OR9Q1: variants seen among roughly 807,000 people sequenced by gnomAD.
OR9Q1 encodes olfactory receptor family 9 subfamily Q member 1.
For synonymous variants in OR9Q1, 153 were observed against 148.6 expected (o/e 1.03, Z -0.22); for missense variants, 374 against 378.8 (o/e 0.99, Z 0.11).
At chr11:58,054,683 C>G (rs951776034) in intron 1 of OR9Q1, among the ~76,000 whole-genome samples, 1 of 149,368 alleles carries the variant, frequency 6.7e-6, no homozygotes, top group East Asian at 2.0e-4. Flanking sequence ...CCTGTGATCC[C>G]AGGCCGAGGT....
Position 58,125,036 on chromosome 11 carries a change from C to T in OR9Q1, c.-14-54395C>T, listed in dbSNP as rs183763365. 4.4e-4 allele frequency among the ~76,000 whole-genome samples: 67 copies of T among 152,264 alleles called. 1 individual carries two copies. The highest frequency in any genetic ancestry group is 3.7e-3 in the Admixed American group (57 of 15,290). On this transcript the variant is annotated intron_variant, in intron 2 of 2. Transcript: ENST00000335397. ...GAGTCTAATCCAGGTCTGTCTTATT[C>T]CAAAGCCAGAGTCCTAGTACATATG...
intron 2 of OR9Q1, among the ~76,000 whole-genome samples, chr11:58,064,915 TAC>T (rs887574204): frequency 7.3e-5 from 11 of 151,634 alleles, no homozygotes; most frequent in African/African-American, 1.5e-4. Context: ...TTTAGACACA[TAC>T]ACACACACAA....
In OR9Q1 at chr11:58,180,214, T is replaced by C; in HGVS notation, c.770T>C (p.Met257Thr). The C allele has an allele frequency of 6.2e-7, 1 of 1,614,146 alleles. No homozygotes were observed. Among genetic ancestry groups the C allele is most frequent in the Non-Finnish European group, 8.5e-7 (1 of 1,180,018 alleles). ...CTCTTCTTTGGTACCCTCATCTTCA[T>C]GTACTTGAGAGGTAACTCAGATCAG... ...VSLFFGTLIF[M>T]YLRGNSDQSS... The change falls in exon 3 of 3, where the codon ATG becomes ACG. Residue 257 changes from methionine to threonine, a missense_variant. Transcript: ENST00000335397.
At chr11:58,091,228 G>A (rs933170066) in intron 2 of OR9Q1, among the ~76,000 whole-genome samples, 2 of 152,024 alleles carry the variant, frequency 1.3e-5, no homozygotes, top group Admixed American at 6.6e-5. Flanking sequence ...TCTTTTAATC[G>A]TGATGTTAGG....
intron 2 of OR9Q1, among the ~76,000 whole-genome samples, chr11:58,069,270 G>A (rs940765902): frequency 5.3e-5 from 8 of 152,120 alleles, no homozygotes; most frequent in African/African-American, 1.9e-4. Flanking sequence ...GGCCAGTCTC[G>A]TAGCCTCTAA....
chr11:58,109,646 G>T (rs758284537), intron 2 of OR9Q1: 2 of 455,058 alleles, frequency 4.4e-6, no homozygotes, highest in East Asian at 1.4e-4. Flanking sequence ...ACAGTGCTGA[G>T]ATTTCTTTTG....
chr11:58,053,020 C>A (rs999681338), intron 1 of OR9Q1, among the ~76,000 whole-genome samples: 5 of 151,314 alleles, frequency 3.3e-5, no homozygotes, highest in African/African-American at 9.7e-5. Flanking sequence ...ACTAGTTCAA[C>A]CATTGTGGAA....
At chr11:58,098,440 T>A (rs974581195) in intron 2 of OR9Q1, among the ~76,000 whole-genome samples, 2 of 148,522 alleles carry the variant, frequency 1.3e-5, no homozygotes, top group Non-Finnish European at 2.9e-5. Flanking sequence ...GTAATGCCCT[T>A]TTTCATTTAC....
intron 2 of OR9Q1, among the ~76,000 whole-genome samples, chr11:58,092,163 A>G (rs1455820717): frequency 6.6e-6 from 1 of 152,034 alleles, no homozygotes; most frequent in African/African-American, 2.4e-5. Context: ...TAATATTGTT[A>G]TGTGTGAATT....
At chr11:58,177,932 G>T (rs924232757) in intron 2 of OR9Q1, among the ~76,000 whole-genome samples, 1 of 152,188 alleles carries the variant, frequency 6.6e-6, no homozygotes, top group Non-Finnish European at 1.5e-5. Context: ...TTTGAAGGTA[G>T]GGTAAGAGTT....
At chr11:58,050,585 A>C (rs1329147288) in intron 1 of OR9Q1, among the ~76,000 whole-genome samples, 1 of 118,450 alleles carries the variant, frequency 8.4e-6, no homozygotes, top group Non-Finnish European at 1.8e-5. Flanking sequence ...AACAAAAGCC[A>C]AAATTGACAA....
chr11:58,133,224 T>TTTTTG (rs141914621), intron 2 of OR9Q1, among the ~76,000 whole-genome samples: 20,486 of 152,126 alleles, frequency 0.13, 1,752 homozygotes, highest in Non-Finnish European at 0.2. Flanking sequence ...TCTTTGTTTC[T>TTTTTG]TTTTGTTTTG....
intron 2 of OR9Q1, among the ~76,000 whole-genome samples, chr11:58,162,886 T>C (rs1331447046): frequency 6.6e-6 from 1 of 152,124 alleles, no homozygotes; most frequent in Non-Finnish European, 1.5e-5. Flanking sequence ...GGAAGGGACA[T>C]TGTTCTGAAA....
chr11:58,107,903 AT>A (rs1399140360), intron 2 of OR9Q1, among the ~76,000 whole-genome samples: 1 of 152,158 alleles, frequency 6.6e-6, no homozygotes, highest in Non-Finnish European at 1.5e-5. Context: ...CATAGAGGCT[AT>A]TTTTACCTGA....
chr11:58,073,063 T>G (rs1461265231), intron 2 of OR9Q1: 3 of 207,816 alleles, frequency 1.4e-5, no homozygotes, highest in Admixed American at 4.5e-5. Context: ...TTGTAGTTGA[T>G]GCCTGTCTCA....
intron 2 of OR9Q1, among the ~76,000 whole-genome samples, chr11:58,136,916 C>T (rs1335343470): frequency 6.6e-6 from 1 of 152,116 alleles, no homozygotes; most frequent in Admixed American, 6.5e-5. Context: ...ACCTGGAGAC[C>T]TCCCTAAGTG....
intron 1 of OR9Q1, among the ~76,000 whole-genome samples, chr11:58,052,727 A>G (rs1346618858): frequency 6.7e-6 from 1 of 148,254 alleles, no homozygotes; most frequent in East Asian, 2.0e-4. Context: ...TCCAGAATCT[A>G]CAATGAACTC....
chr11:58,159,483 G>A (rs536972722), intron 2 of OR9Q1, among the ~76,000 whole-genome samples: 2 of 152,266 alleles, frequency 1.3e-5, no homozygotes, highest in Middle Eastern at 3.4e-3. Flanking sequence ...TAGATTGATG[G>A]TAGCTTGGAG....
chr11:58,101,948 G>A (rs558479939), intron 2 of OR9Q1, among the ~76,000 whole-genome samples: 1 of 152,178 alleles, frequency 6.6e-6, no homozygotes, highest in South Asian at 2.1e-4. Context: ...GTTTCTTCAT[G>A]TTGGTGAGGC....
Sources: allele counts gnomAD v4.1 joint callset (sites outside exome capture counted in the v4.1 genomes callset), GRCh38; gene constraint gnomAD v4.1.1; transcripts MANE v1.5; gene names NCBI Gene and HGNC (gene_info 2026-07-23, HGNC 2026-07-21).